GCFC2: variants seen among roughly 807,000 people sequenced by gnomAD.
GCFC2 encodes the protein intron Large complex component GCFC2.
GCFC2 carries 102 observed loss-of-function variants against 99.4 expected under a neutral mutation model. That is an observed-to-expected ratio of 1.03 (90% CI 0.87 to 1.21). The LOEUF (loss-of-function observed/expected upper bound fraction) is 1.21, where lower values mean the gene tolerates loss of function less well. Ranked by LOEUF, GCFC2 falls within the 50% of genes most tolerant of loss-of-function variation. The pLI is 0.00. For synonymous variants in GCFC2, 338 were observed against 316.8 expected, an observed-to-expected ratio of 1.07 and a Z score of -0.71; for missense variants, 973 against 920.9, an observed-to-expected ratio of 1.06 and a Z score of -0.73.
intron 12 of GCFC2, chr2:75,679,890 T>C: frequency 2.4e-6 from 1 of 413,330 alleles, no homozygotes. Flanking sequence ...TCTGGGTCCT[T>C]ACATGTATGT....
upstream of GCFC2, among the ~76,000 whole-genome samples, chr2:75,711,835 C>T (rs181279713): frequency 1.3e-5 from 2 of 152,254 alleles, no homozygotes; most frequent in Non-Finnish European, 2.9e-5. Flanking sequence ...GGACCTGCAG[C>T]CCGCCATGCC....
At chr2:75,675,332 G>A (rs919190654) in intron 12 of GCFC2, among the ~76,000 whole-genome samples, 7 of 152,196 alleles carry the variant, frequency 4.6e-5, no homozygotes, top group African/African-American at 1.7e-4. Flanking sequence ...AAAGCCAATG[G>A]GGCAAAATAT....
chr2:75,698,424 A>T (rs1251470586), intron 4 of GCFC2, among the ~76,000 whole-genome samples: 4 of 152,188 alleles, frequency 2.6e-5, no homozygotes, highest in African/African-American at 9.7e-5. Context: ...AATAACCTAA[A>T]ATGTCCAAAA....
At chr2:75,702,102 A>T in intron 3 of GCFC2, 97 bp downstream of exon 3, 2 of 1,512,350 alleles carry the variant, frequency 1.3e-6, no homozygotes, top group Non-Finnish European at 1.8e-6. Context: ...TCAACACTAT[A>T]AAATGTGAGC....
intron 15 of GCFC2, among the ~76,000 whole-genome samples, chr2:75,669,244 TAAC>T (rs1188259475): frequency 3.9e-5 from 6 of 152,316 alleles, no homozygotes; most frequent in African/African-American, 9.6e-5. Context: ...TGTTACATGT[TAAC>T]AACTTTTTAT....
intron 5 of GCFC2, among the ~76,000 whole-genome samples, chr2:75,695,140 T>A (rs1680250515): frequency 6.6e-6 from 1 of 152,188 alleles, no homozygotes; most frequent in Non-Finnish European, 1.5e-5. Context: ...TATCTTTGTA[T>A]TCTAGGGGGC....
At position 75,701,265 on chromosome 2, in the gene GCFC2, A is replaced by G; in HGVS notation, c.642T>C (p.Ser214=). 1.2e-6 allele frequency: 2 copies of G among 1,605,170 alleles called. No individual in the cohort carries two copies. The highest frequency in any genetic ancestry group is 1.7e-6 in the Non-Finnish European group (2 of 1,172,060). ...EESISRNEET[S]EESQEDEKQD... ...GCTTTTCATCTTCCTGACTTTCTTC[A>G]CTTGTTTCTTCATTTCTGCTTACTA... Residue 214 remains serine, a synonymous_variant, in exon 4 of 17, where the codon AGT becomes AGC. Transcript: ENST00000321027.
intron 1 of GCFC2, chr2:75,710,301 G>C (rs1330010067): frequency 2.3e-6 from 1 of 442,922 alleles, no homozygotes; most frequent in Admixed American, 4.5e-5. Flanking sequence ...TTTGATAACT[G>C]TGTTAGTTAT....
chr2:75,685,392 G>A (rs139650203), intron 11 of GCFC2, among the ~76,000 whole-genome samples: 129 of 152,090 alleles, frequency 8.5e-4, no homozygotes, highest in African/African-American at 3.0e-3. Flanking sequence ...TACCTAATGC[G>A]CTCTTAGCAA....
chr2:75,689,443 C>T (rs1382375806), intron 9 of GCFC2, among the ~76,000 whole-genome samples: 2 of 152,094 alleles, frequency 1.3e-5, no homozygotes, highest in African/African-American at 2.4e-5. Context: ...ATACATTAAT[C>T]TCATTTTACC....
At chr2:75,683,009 G>T (rs1047609925) in intron 11 of GCFC2, among the ~76,000 whole-genome samples, 2 of 151,816 alleles carry the variant, frequency 1.3e-5, no homozygotes, top group Non-Finnish European at 2.9e-5. Context: ...AACCAAGTTG[G>T]AAAACACTCT....
At chr2:75,708,830 G>C (rs1680985956) in intron 1 of GCFC2, among the ~76,000 whole-genome samples, 1 of 152,032 alleles carries the variant, frequency 6.6e-6, no homozygotes, top group Non-Finnish European at 1.5e-5. Flanking sequence ...TTTAAGAAGG[G>C]TTAGTTTATT....
intron 3 of GCFC2, chr2:75,701,945 T>A: frequency 8.1e-7 from 1 of 1,234,226 alleles, no homozygotes; most frequent in Non-Finnish European, 1.0e-6. Context: ...TACTGCACAT[T>A]TTTTTTAACC....
chr2:75,696,352 A>G, intron 4 of GCFC2, 37 bp from the exon 5 acceptor site: 1 of 884,832 alleles, frequency 1.1e-6, no homozygotes, highest in Non-Finnish European at 1.9e-6. Context: ...AAAACCATTT[A>G]TTTCATTTAC....
At chr2:75,677,563 A>G (rs1037182364) in intron 12 of GCFC2, among the ~76,000 whole-genome samples, 3 of 152,236 alleles carry the variant, frequency 2.0e-5, no homozygotes, top group African/African-American at 7.2e-5. Flanking sequence ...AAACCCTCAC[A>G]ACAAAAAATT....
Position 75,664,024 on chromosome 2 carries a change from G to A in GCFC2, c.*642C>T, listed in dbSNP as rs933896622. On this transcript the variant is annotated 3_prime_UTR_variant, in exon 17 of 17. Transcript: ENST00000321027. Reference sequence around the variant, plus strand: ...AATTACAAATGGCCAAAACCAATATGTTTACTCTCTAATAGCCAACACAAA... The same window carrying A: ...AATTACAAATGGCCAAAACCAATATATTTACTCTCTAATAGCCAACACAAA... The A allele has an allele frequency of 1.1e-4, 16 of 152,098 alleles. No homozygotes were observed. The highest frequency in any genetic ancestry group is 3.6e-4 in the African/African-American group (15 of 41,414). 9.4% of individuals were successfully genotyped at this position (152,098 alleles called of 1,614,324 possible).
At chr2:75,710,566 C>T in intron 1 of GCFC2, 25 bp downstream of exon 1, 1 of 1,479,470 alleles carries the variant, frequency 6.8e-7, no homozygotes, top group South Asian at 1.3e-5. Context: ...GTCACCTCCC[C>T]GCTTCCCCGC....
At chr2:75,666,834 G>A (rs1316567533) in intron 15 of GCFC2, among the ~76,000 whole-genome samples, 1 of 152,094 alleles carries the variant, frequency 6.6e-6, no homozygotes, top group Non-Finnish European at 1.5e-5. Flanking sequence ...CTGCTCTTGA[G>A]GTCCGAAAAC....
chr2:75,694,127 T>G (rs2104363817), intron 6 of GCFC2, 114 bp downstream of exon 6: 1 of 395,936 alleles, frequency 2.5e-6, no homozygotes, highest in South Asian at 1.3e-4. Flanking sequence ...ATTTTAAAAA[T>G]GTGTAGGAAA....
Sources: allele counts gnomAD v4.1 joint callset (sites outside exome capture counted in the v4.1 genomes callset), GRCh38; gene constraint gnomAD v4.1.1; transcripts MANE v1.5; gene names NCBI Gene and HGNC (gene_info 2026-07-23, HGNC 2026-07-21).